The following TUBA8 variants were observed in gnomAD, a reference collection of about 807,000 sequenced individuals.
TUBA8 encodes the protein tubulin alpha 8.
A neutral mutation model predicts 34.7 loss-of-function variants in TUBA8; 29 were observed. The observed-to-expected ratio is 0.84, with a 90% CI of 0.62 to 1.14. TUBA8 has a LOEUF of 1.14. Ranked by LOEUF, TUBA8 falls within the 50% of genes most tolerant of loss-of-function variation. TUBA8 has a pLI of 0.00. For missense variants in TUBA8, 541 were observed against 599.2 expected (o/e 0.90, Z 1.01); for synonymous variants, 226 against 231.2 (o/e 0.98, Z 0.21).
chr22:18,112,177 C>T (rs1050467124), intron 1 of TUBA8: 4 of 152,030 alleles, frequency 2.6e-5, no homozygotes, highest in Admixed American at 1.3e-4. Context: ...GTTTTACCTG[C>T]GAAATGAAGA....
rs767210347 is a variant in TUBA8 at position 18,130,936 on chromosome 22, A to G, written c.1150A>G (p.Ile384Val). The G allele has an allele frequency of 6.2e-7, 1 of 1,614,122 alleles. No homozygotes were observed. Among genetic ancestry groups the G allele is most frequent in the South Asian group, 1.1e-5 (1 of 91,086 alleles). Residue 384 changes from isoleucine (I) to valine (V), a missense_variant, in exon 5 of 5, where the codon ATT becomes GTT. By Grantham distance (29) the Ile-to-Val change is conservative. Transcript: ENST00000330423. ...AVCMLSNTTA[I>V]AEAWARLDHK... is the part of the protein sequence containing the mutation. ...CTGCATGCTCAGCAACACCACGGCCATTGCGGAGGCCTGGGCCCGCCTCGA... is the reference window on the plus strand; with the variant it reads ...CTGCATGCTCAGCAACACCACGGCCGTTGCGGAGGCCTGGGCCCGCCTCGA...
chr22:18,123,586 T>G (rs1439913463), intron 2 of TUBA8: 1 of 156,864 alleles, frequency 6.4e-6, no homozygotes, highest in Non-Finnish European at 1.4e-5. Flanking sequence ...GTGTTTTTTT[T>G]GGAGATGGAG....
intron 1 of TUBA8, chr22:18,112,199 C>G (rs1927834117): frequency 6.6e-6 from 1 of 152,186 alleles, no homozygotes; most frequent in Non-Finnish European, 1.5e-5. Flanking sequence ...GGTTATAATT[C>G]AAATTTCCAA....
At chr22:18,116,767 A>G (rs1405476425) in intron 1 of TUBA8, 1 of 152,246 alleles carries the variant, frequency 6.6e-6, no homozygotes, top group Non-Finnish European at 1.5e-5. Context: ...GGGGAGGGTA[A>G]TGGGGCAGCA....
Position 18,126,904 on chromosome 22 carries a change from A to G in TUBA8, c.926A>G (p.His309Arg), listed in dbSNP as rs752617563. ...CAGATGGTGAAGTGCGACCCGAGAC[A>G]TGGCAAGTACATGGCCTGCTGCATG... is the stretch of plus-strand genomic sequence containing the variant. ...NSQMVKCDPRHGKYMACCMLY... is the reference protein window; with the variant it reads ...NSQMVKCDPRRGKYMACCMLY... Residue 309 changes from histidine to arginine, a missense_variant, in exon 4 of 5, where the codon CAT (histidine) becomes CGT (arginine). Coordinates refer to ENST00000330423, the MANE Select transcript of TUBA8 (RefSeq NM_018943.3). This position sits in a 1 kb window ranked among gnomAD's most constrained non-coding sequence, Gnocchi z 4.0. The G allele has an allele frequency of 3.1e-6, 5 of 1,612,218 alleles. No homozygotes were observed. In the South Asian group the frequency reaches 5.5e-5, roughly 18 times the overall value.
chr22:18,111,825 G>C lies in TUBA8; in HGVS notation c.3+957G>C, dbSNP rs539261733. ...AAGGTCGGGTTCCCTGGGCAGGCTT[G>C]CTCCAGGTGTCAGTGATCCAGAAAG... On this transcript the variant is annotated intron_variant, in intron 1 of 4. Transcript: ENST00000330423. The surrounding 1 kb of genome is among the most constrained non-coding windows in gnomAD (Gnocchi z 5.1). 1 of 152,458 alleles carries C rather than the reference G, an allele frequency of 6.6e-6. No individual in the cohort carries two copies. Among genetic ancestry groups the C allele is most frequent in the Non-Finnish European group, 1.5e-5 (1 of 68,168 alleles). The allele number at this position is 152,458 out of a possible 1,614,324, so 9.4% of individuals were successfully genotyped here.
At chr22:18,114,490 G>A (rs118034500) in intron 1 of TUBA8, 1 of 152,208 alleles carries the variant, frequency 6.6e-6, no homozygotes, top group Non-Finnish European at 1.5e-5. Flanking sequence ...TTTGTTATGA[G>A]TGATCTCAAA....
Position 18,110,928 on chromosome 22 carries a change from G to A in TUBA8, c.3+60G>A. The A allele has an allele frequency of 1.3e-6, 2 of 1,536,340 alleles. No individual in the cohort carries two copies. Among genetic ancestry groups the A allele is most frequent in the South Asian group, 1.2e-5 (1 of 84,098 alleles). On this transcript the variant is annotated intron_variant, in intron 1 of 4. Transcript: ENST00000330423. This position sits in a 1 kb window ranked among gnomAD's most constrained non-coding sequence, Gnocchi z 6.2. ...CGCGGCAGGCGTAGGACCGAGAGCC[G>A]AGTCTACGCGGAGGCGCACGGACCC...
chr22:18,120,875 G>C (rs771788272), intron 1 of TUBA8: 1 of 155,482 alleles, frequency 6.4e-6, no homozygotes, highest in Non-Finnish European at 1.4e-5. Context: ...ATTGTTCAGC[G>C]TGCAGGAAGG....
At position 18,121,343 on chromosome 22, in the gene TUBA8, A is replaced by T; in HGVS notation, c.4-136A>T. ...GGTCCAGCTGCTATAGAGCTGGGGC[A>T]CCTGCAGCCTCAACGCCAACTGGCA... On this transcript the variant is annotated intron_variant, in intron 1 of 4. Transcript: ENST00000330423. The surrounding 1 kb of genome is among the most constrained non-coding windows in gnomAD (Gnocchi z 4.8). 1 of 727,984 alleles carries T rather than the reference A, an allele frequency of 1.4e-6. No homozygotes were observed. The allele number at this position is 727,984 out of a possible 1,614,324, so 45.1% of individuals were successfully genotyped here.
chr22:18,112,316 G>A (rs1052265294), intron 1 of TUBA8: 2 of 152,132 alleles, frequency 1.3e-5, no homozygotes, highest in African/African-American at 2.4e-5. Flanking sequence ...CATCATCTAA[G>A]TTCAATAATT....
At chr22:18,123,910 G>A (rs779955259) in intron 2 of TUBA8, 5 of 527,674 alleles carry the variant, frequency 9.5e-6, no homozygotes, top group African/African-American at 1.9e-5. Context: ...AGTCTTTTTA[G>A]GGTTCTAGCC....
In TUBA8 at chr22:18,126,546, A is replaced by T; in HGVS notation, c.568A>T (p.Thr190Ser). The T allele has an allele frequency of 6.2e-7, 1 of 1,614,038 alleles. No homozygotes were observed. The highest frequency in any genetic ancestry group is 8.5e-7 in the Non-Finnish European group (1 of 1,180,016). The change falls in exon 4 of 5, where the codon ACC (threonine) becomes TCC (serine). Residue 190 changes from threonine (T) to serine (S), a missense_variant. Physicochemically the swap from Thr to Ser is moderately conservative, Grantham distance 58. Transcript: ENST00000330423. This position sits in a 1 kb window ranked among gnomAD's most constrained non-coding sequence, Gnocchi z 4.0. Reference protein sequence around the residue: ...AVVEPYNSILTTHTTLEHSDC... With the variant: ...AVVEPYNSILSTHTTLEHSDC... The stretch of plus-strand genomic sequence containing the variant: ...GGTGGAGCCCTACAACTCCATCCTG[A>T]CCACCCACACCACACTGGAACATTC...
chr22:18,118,570 C>G lies in TUBA8; in HGVS notation c.4-2909C>G, dbSNP rs181911228. 6.6e-6 allele frequency: 1 copy of G among 152,200 alleles called. No homozygotes were observed. Among genetic ancestry groups the G allele is most frequent in the Non-Finnish European group, 1.5e-5 (1 of 68,036 alleles). 9.4% of individuals were successfully genotyped at this position (152,200 alleles called of 1,614,324 possible). A position where few individuals can be genotyped will look rare whatever the true frequency, so the allele number is the denominator to read the frequency against. On this transcript the variant is annotated intron_variant, in intron 1 of 4. Transcript: ENST00000330423. The surrounding 1 kb of genome is among the most constrained non-coding windows in gnomAD (Gnocchi z 4.0). ...TCCCCACCCTGGACCTGGACGCCTCCGTCTCTCCAAGGAGCCCAGTTCCTG... is the reference window on the plus strand; with the variant it reads ...TCCCCACCCTGGACCTGGACGCCTCGGTCTCTCCAAGGAGCCCAGTTCCTG...
At position 18,126,679 on chromosome 22, in the gene TUBA8, T is replaced by G; in HGVS notation, c.701T>G (p.Ile234Ser). The G allele has an allele frequency of 1.2e-6, 2 of 1,614,130 alleles. No homozygotes were observed. The highest frequency in any genetic ancestry group is 1.7e-6 in the Non-Finnish European group (2 of 1,180,020). ...YTNLNRLISQIVSSITASLRF... is the reference protein window; with the variant it reads ...YTNLNRLISQSVSSITASLRF... ...AACCTCAACCGCCTCATCAGTCAGA[T>G]TGTGTCCTCAATCACTGCTTCTCTC... Residue 234 changes from isoleucine (I) to serine (S), a missense_variant, in exon 4 of 5, where the codon ATT (isoleucine) becomes AGT (serine). By Grantham distance (142) the Ile-to-Ser change is moderately radical. Coordinates refer to ENST00000330423, the MANE Select transcript of TUBA8 (RefSeq NM_018943.3). The surrounding 1 kb of genome is among the most constrained non-coding windows in gnomAD (Gnocchi z 4.0).
intron 1 of TUBA8, chr22:18,114,163 A>T (rs1927897209): frequency 6.6e-6 from 1 of 152,270 alleles, no homozygotes; most frequent in Non-Finnish European, 1.5e-5. Flanking sequence ...TCTTCCTGTT[A>T]GGAGTTCTCT....
chr22:18,127,210 G>GT (rs1639512098), intron 4 of TUBA8, 176 bp downstream of exon 4: 3 of 659,674 alleles, frequency 4.5e-6, no homozygotes. Flanking sequence ...TGCTGTCAAA[G>GT]TTTTGTCTGT....
intron 3 of TUBA8, chr22:18,125,863 T>A (rs1313476932): frequency 5.5e-6 from 1 of 182,930 alleles, no homozygotes; most frequent in Non-Finnish European, 1.2e-5. Flanking sequence ...CAGCTTGTCA[T>A]CCTATTAAAA....
intron 4 of TUBA8, chr22:18,130,552 T>C: frequency 2.1e-6 from 1 of 475,716 alleles, no homozygotes; most frequent in Admixed American, 3.4e-5. Context: ...CCTCCCTGAG[T>C]AGCTGGGACT....
Sources: allele counts gnomAD v4.1 joint callset, GRCh38; gene constraint gnomAD v4.1.1; non-coding constraint Gnocchi (gnomAD v3.1); transcripts MANE v1.5; gene names NCBI Gene and HGNC (gene_info 2026-07-23, HGNC 2026-07-21).